Variants in WDR25 observed in about 807,000 individuals in gnomAD.
WDR25 encodes the protein WD repeat domain 25.
WDR25 carries 35 observed loss-of-function variants against 47.7 expected under a neutral mutation model. The observed-to-expected ratio is 0.73, with a 90% CI of 0.56 to 0.97. The LOEUF is 0.97. Ranked by LOEUF, WDR25 falls within the 50% of genes least tolerant of loss-of-function variation. The pLI, the probability that WDR25 is intolerant of heterozygous loss-of-function variation, is 0.00. For synonymous variants in WDR25, 248 were observed against 278.9 expected (o/e 0.89, Z 1.10); for missense variants, 634 against 704.7 (o/e 0.90, Z 1.14).
At chr14:100,474,275 G>A (rs1252439004) in intron 3 of WDR25, among the ~76,000 whole-genome samples, 1 of 152,100 alleles carries the variant, frequency 6.6e-6, no homozygotes, top group African/African-American at 2.4e-5. Flanking sequence ...CCCTAGTTAC[G>A]GATATTAAAT....
intron 3 of WDR25, 92 bp from the exon 4 acceptor site, chr14:100,483,901 TA>T: frequency 6.9e-7 from 1 of 1,454,188 alleles, no homozygotes; most frequent in Admixed American, 2.5e-5. Context: ...CTGTGTTTGC[TA>T]TGAGCCCCAT....
chr14:100,443,007 C>T (rs143805884), intron 2 of WDR25, among the ~76,000 whole-genome samples: 24 of 152,354 alleles, frequency 1.6e-4, no homozygotes, highest in African/African-American at 5.5e-4. Flanking sequence ...CCAGACCTAC[C>T]GCACTGCTCG....
chr14:100,528,839 C>T (rs1209644676), intron 5 of WDR25, among the ~76,000 whole-genome samples: 1 of 152,248 alleles, frequency 6.6e-6, no homozygotes, highest in African/African-American at 2.4e-5. Context: ...GCTCCGCCAA[C>T]ATCTTGACTT....
At chr14:100,457,720 G>A (rs577313287) in intron 2 of WDR25, among the ~76,000 whole-genome samples, 2 of 152,302 alleles carry the variant, frequency 1.3e-5, no homozygotes, top group South Asian at 4.1e-4. Flanking sequence ...TGACTGTTTA[G>A]AGTAAAAACA....
intron 2 of WDR25, among the ~76,000 whole-genome samples, chr14:100,394,991 C>T (rs572998405): frequency 7.9e-5 from 12 of 152,144 alleles, no homozygotes; most frequent in Non-Finnish European, 1.5e-4. Flanking sequence ...ACAATGAAAT[C>T]GATGAGGGGC....
chr14:100,420,760 A>G (rs1472275370), intron 2 of WDR25, among the ~76,000 whole-genome samples: 1 of 152,202 alleles, frequency 6.6e-6, no homozygotes, highest in African/African-American at 2.4e-5. Context: ...GCTGCAGATA[A>G]CAGGAAACCC....
At chr14:100,522,248 T>G (rs1372322444) in intron 4 of WDR25, among the ~76,000 whole-genome samples, 1 of 152,222 alleles carries the variant, frequency 6.6e-6, no homozygotes, top group Non-Finnish European at 1.5e-5. Context: ...TAATTATTAT[T>G]GTTTTTATAT....
intron 1 of WDR25, chr14:100,376,863 C>G: frequency 2.6e-6 from 2 of 764,552 alleles, no homozygotes; most frequent in Non-Finnish European, 3.5e-6. Context: ...CTTTTACTTC[C>G]TAGCATCTCC....
At chr14:100,527,239 C>G (rs1363873858) in intron 5 of WDR25, among the ~76,000 whole-genome samples, 1 of 151,750 alleles carries the variant, frequency 6.6e-6, no homozygotes, top group Admixed American at 6.6e-5. Flanking sequence ...ACCATCATCA[C>G]CACCGTCATC....
Position 100,525,947 on chromosome 14 carries a change from C to G in WDR25, c.1179C>G (p.Ser393Arg). The part of the protein sequence containing the change: ...LFLREGSEFL[S>R]STDASTRDSA... ...TCCGGGAAGGCTCCGAGTTCCTGAG[C>G]AGCACAGACGCTTCCACCCGGGACT... Residue 393 changes from serine (S) to arginine (R), a missense_variant, in exon 5 of 7, where the codon AGC becomes AGG. Ser to Arg is a moderately radical substitution (Grantham distance 110). Coordinates refer to ENST00000402312, the MANE Select transcript of WDR25 (RefSeq NM_001161476.3). This position sits in a 1 kb window ranked among gnomAD's most constrained non-coding sequence, Gnocchi z 4.6. 1 of 1,614,066 alleles carries G rather than the reference C, an allele frequency of 6.2e-7. No homozygotes were observed. Among genetic ancestry groups the G allele is most frequent in the Non-Finnish European group, 8.5e-7 (1 of 1,179,976 alleles).
At chr14:100,443,592 CCT>C (rs1375059050) in intron 2 of WDR25, among the ~76,000 whole-genome samples, 2 of 152,262 alleles carry the variant, frequency 1.3e-5, no homozygotes, top group Non-Finnish European at 2.9e-5. Flanking sequence ...CCTCATGTCT[CCT>C]CTCTCTCCTT....
chr14:100,517,701 G>A (rs905211200), intron 4 of WDR25, among the ~76,000 whole-genome samples: 8 of 151,980 alleles, frequency 5.3e-5, no homozygotes, highest in African/African-American at 1.4e-4. Context: ...AAAATTAGCC[G>A]GGCGTGGTGG....
intron 3 of WDR25, among the ~76,000 whole-genome samples, chr14:100,482,383 A>G (rs1900233380): frequency 6.6e-6 from 1 of 152,248 alleles, no homozygotes; most frequent in Non-Finnish European, 1.5e-5. Flanking sequence ...AATATATTTT[A>G]AAATATTGAC....
chr14:100,481,745 G>A (rs1900212003), intron 3 of WDR25, among the ~76,000 whole-genome samples: 1 of 152,002 alleles, frequency 6.6e-6, no homozygotes, highest in South Asian at 2.1e-4. Flanking sequence ...AGAATTGTGT[G>A]GACTCTGTAA....
In WDR25 at chr14:100,520,555, T is replaced by C. The variant is rs574720357; in HGVS notation, c.1102-5315T>C. ...TGACCATGTAAATGTCAGCTGCTTT[T>C]GATAGCCACCATCCTATGTGATTGG... On this transcript the variant is annotated intron_variant, in intron 4 of 6. Coordinates refer to ENST00000402312, the MANE Select transcript of WDR25 (RefSeq NM_001161476.3). Among the ~76,000 whole-genome samples, 21 of 152,366 alleles carry C rather than the reference T, an allele frequency of 1.4e-4. No homozygotes were observed. The South Asian group carries it at 4.3e-3, about 32-fold the overall frequency.
chr14:100,399,556 C>T (rs897192972), intron 2 of WDR25, among the ~76,000 whole-genome samples: 1 of 152,190 alleles, frequency 6.6e-6, no homozygotes, highest in Non-Finnish European at 1.5e-5. Flanking sequence ...TCTCTCTTGC[C>T]AATTCCCATC....
Position 100,468,046 on chromosome 14 carries a change from A to G in WDR25, c.848A>G (p.His283Arg). ...FKVWNAVDSG[H>R]CLQTYSLHTE... is the part of the protein sequence containing the mutation. ...GTATGGAACGCCGTGGACTCCGGGC[A>G]CTGCCTGCAGACCTACTCCCTGCAC... The change falls in exon 3 of 7, where the codon CAC becomes CGC. Residue 283 changes from histidine to arginine, a missense_variant. Coordinates refer to ENST00000402312, the MANE Select transcript of WDR25 (RefSeq NM_001161476.3). This position sits in a 1 kb window ranked among gnomAD's most constrained non-coding sequence, Gnocchi z 4.5. The G allele has an allele frequency of 6.2e-7, 1 of 1,613,318 alleles. No homozygotes were observed. Among genetic ancestry groups the G allele is most frequent in the Non-Finnish European group, 8.5e-7 (1 of 1,180,014 alleles).
intron 2 of WDR25, chr14:100,455,188 G>A (rs1288189310): frequency 1.3e-5 from 2 of 152,280 alleles, no homozygotes; most frequent in Middle Eastern, 6.8e-3. Context: ...GTAAAACAAC[G>A]GGGAATCTCA....
At chr14:100,394,421 T>C (rs554719983) in intron 2 of WDR25, among the ~76,000 whole-genome samples, 12 of 152,186 alleles carry the variant, frequency 7.9e-5, no homozygotes, top group Non-Finnish European at 1.6e-4. Context: ...CCTTGCTTTA[T>C]GCTGTCTCTG....
Sources: gnomAD v4.1 joint callset for allele counts (sites outside exome capture counted in the v4.1 genomes callset) on GRCh38, gnomAD v4.1.1 for gene constraint, Gnocchi (gnomAD v3.1) non-coding constraint, MANE v1.5 for transcripts, NCBI Gene and HGNC (gene_info 2026-07-23, HGNC 2026-07-21) for gene names.